Variants in ZNF665 observed in about 807,000 individuals in gnomAD.
ZNF665 encodes zinc finger protein 665.
A neutral mutation model predicts 7.9 loss-of-function variants in ZNF665; 6 were observed. That is an observed-to-expected ratio of 0.76 (90% CI 0.42 to 1.50). The LOEUF is 1.50. Among genes scored for constraint, ZNF665 ranks in the 40% most tolerant of loss-of-function variants. The pLI, the probability that ZNF665 is intolerant of heterozygous loss-of-function variation, is 0.01. For missense variants in ZNF665, 819 were observed against 806.7 expected (o/e 1.02, Z -0.18); for synonymous variants, 242 against 274.5 (o/e 0.88, Z 1.17).
chr19:53,171,174 C>T (rs8106401), intron 3 of ZNF665, among the ~76,000 whole-genome samples: 2,986 of 151,872 alleles, frequency 0.02, 112 homozygotes, highest in African/African-American at 0.068. Context: ...TTAGTAGAGA[C>T]GGGGTTTCAC....
In ZNF665 at chr19:53,193,326, C is replaced by G. The variant is rs975202126; in HGVS notation, c.-60G>C. On this transcript the variant is annotated 5_prime_UTR_variant, in exon 1 of 4. Transcript: ENST00000396424. The stretch of plus-strand genomic sequence containing the variant: ...GGGAAACTCACGCGGCGACTAACAG[C>G]CTTCACTCCAAGAGATCTGCTTCCG... 2 of 152,134 alleles carry G rather than the reference C, an allele frequency of 1.3e-5. No individual in the cohort carries two copies. The highest frequency in any genetic ancestry group is 2.9e-5 in the Non-Finnish European group (2 of 68,106). The allele number at this position is 152,134 out of a possible 1,614,324, so 9.4% of individuals were successfully genotyped here. A position where few individuals can be genotyped will look rare whatever the true frequency, so the allele number is the denominator to read the frequency against.
At chr19:53,187,063 A>C (rs1484786926) in intron 1 of ZNF665, among the ~76,000 whole-genome samples, 2 of 13,028 alleles carry the variant, frequency 1.5e-4, no homozygotes, top group Admixed American at 5.1e-4. Context: ...TGATCCCCCC[A>C]CCTCCCTCCC....
Position 53,165,888 on chromosome 19 carries a change from G to T in ZNF665, c.602C>A (p.Thr201Asn), listed in dbSNP as rs774874113. Reference protein sequence around the residue: ...SRLTSHKRIHTGEKPYQCNKC... With the variant: ...SRLTSHKRIHNGEKPYQCNKC... ...ATTACACTGGTAAGGCTTCTCTCCAGTATGAATTCTCTTATGACTTGTTAG... is the reference window on the plus strand; with the variant it reads ...ATTACACTGGTAAGGCTTCTCTCCATTATGAATTCTCTTATGACTTGTTAG... The change falls in exon 4 of 4, where the codon ACT (threonine) becomes AAT (asparagine). Residue 201 changes from threonine to asparagine, a missense_variant. Coordinates refer to ENST00000396424, the MANE Select transcript of ZNF665 (RefSeq NM_024733.5). 1.1e-5 allele frequency: 18 copies of T among 1,614,182 alleles called. No homozygotes were observed. Among genetic ancestry groups the T allele is most frequent in the Non-Finnish European group, 1.4e-5 (17 of 1,180,038 alleles).
chr19:53,171,030 G>A (rs1179751609), intron 3 of ZNF665, among the ~76,000 whole-genome samples: 1 of 152,080 alleles, frequency 6.6e-6, no homozygotes, highest in African/African-American at 2.4e-5. Context: ...CTGTCACCAG[G>A]CTGGAGTGCA....
chr19:53,185,844 G>T (rs1220318373), intron 1 of ZNF665, among the ~76,000 whole-genome samples: 1 of 151,954 alleles, frequency 6.6e-6, no homozygotes, highest in African/African-American at 2.4e-5. Context: ...GGAACACAAA[G>T]AAGTTTTTGT....
chr19:53,166,359 A>C lies in ZNF665; in HGVS notation c.143-12T>G. 2 of 1,532,904 alleles carry C rather than the reference A, an allele frequency of 1.3e-6. No homozygotes were observed. The highest frequency in any genetic ancestry group is 2.6e-5 in the South Asian group (2 of 76,516). 95.0% of individuals were successfully genotyped at this position (1,532,904 alleles called of 1,614,324 possible). ...TTTACAAGAGATATCTGTAAGATATAAACAACCATAGATTTCCAGTTAACT... is the reference window on the plus strand; with the variant it reads ...TTTACAAGAGATATCTGTAAGATATCAACAACCATAGATTTCCAGTTAACT... On this transcript the variant is annotated splice_polypyrimidine_tract_variant and intron_variant, in intron 3 of 3. Transcript: ENST00000396424.
intron 1 of ZNF665, among the ~76,000 whole-genome samples, chr19:53,189,579 C>A (rs12232823): frequency 0.2 from 28,756 of 145,670 alleles, 3,245 homozygotes; most frequent in Admixed American, 0.25. Flanking sequence ...TAGTACTTTC[C>A]CTAATTTACT....
At position 53,166,027 on chromosome 19, in the gene ZNF665, A is replaced by G; in HGVS notation, c.463T>C (p.Phe155Leu). The change falls in exon 4 of 4, where the codon TTT becomes CTT. Residue 155 changes from phenylalanine (F) to leucine (L), a missense_variant. Transcript: ENST00000396424. Reference protein sequence around the residue: ...FQSHLPELQQFQHEGKIYEYN... With the variant: ...FQSHLPELQQLQHEGKIYEYN... ...TCATAAATTTTCCCTTCATGTTGAA[A>G]TTGCTGCAGTTCAGGGAGATGTGAC... is the stretch of plus-strand genomic sequence containing the variant. The G allele has an allele frequency of 6.2e-7, 1 of 1,614,026 alleles. No homozygotes were observed. The highest frequency in any genetic ancestry group is 8.5e-7 in the Non-Finnish European group (1 of 1,179,886).
chr19:53,168,108 C>A (rs2090632060), intron 3 of ZNF665, among the ~76,000 whole-genome samples: 1 of 139,732 alleles, frequency 7.2e-6, no homozygotes, highest in Middle Eastern at 3.8e-3. Flanking sequence ...AAGAGGAGTT[C>A]TACTTCAGAA....
chr19:53,175,368 C>T, intron 3 of ZNF665, 77 bp downstream of exon 3: 1 of 1,543,296 alleles, frequency 6.5e-7, no homozygotes, highest in South Asian at 1.2e-5. Flanking sequence ...AATGCAGGGG[C>T]TCTCAAGAGA....
intron 2 of ZNF665, 64 bp downstream of exon 2, chr19:53,182,820 A>T (rs1019607331): frequency 6.2e-7 from 1 of 1,611,490 alleles, no homozygotes; most frequent in African/African-American, 1.3e-5. Flanking sequence ...AAGATTCCCA[A>T]CTCCAAGGTC....
intron 2 of ZNF665, among the ~76,000 whole-genome samples, chr19:53,179,042 T>C (rs2090717785): frequency 6.6e-6 from 1 of 152,108 alleles, no homozygotes; most frequent in Admixed American, 6.6e-5. Context: ...TCACTGGAAA[T>C]TTGGGTAGAA....
At position 53,164,473 on chromosome 19, in the gene ZNF665, G is replaced by C. The variant is rs202219454; in HGVS notation, c.2017C>G (p.Arg673Gly). The C allele has an allele frequency of 6.3e-7, 1 of 1,596,782 alleles. No homozygotes were observed. Among genetic ancestry groups the C allele is most frequent in the South Asian group, 1.1e-5 (1 of 87,968 alleles). The change falls in exon 4 of 4, where the codon CGA becomes GGA. Residue 673 changes from arginine to glycine, a missense_variant. By Grantham distance (125) the Arg-to-Gly change is moderately radical (BLOSUM62 -2). Coordinates refer to ENST00000396424, the MANE Select transcript of ZNF665 (RefSeq NM_024733.5). ...GGTTTCTATCCACTATGAATTCTTC[G>C]ATGTTTTGCAAGGTTTGAATTTTGA... ...FTQNSNLAKHRRIHSG is the reference protein window; with the variant it reads ...FTQNSNLAKHGRIHSG
At chr19:53,182,697 A>G (rs1599882927) in intron 2 of ZNF665, 187 bp downstream of exon 2, 1 of 1,167,738 alleles carries the variant, frequency 8.6e-7, no homozygotes, top group East Asian at 2.4e-5. Flanking sequence ...GCCTCTTCCC[A>G]AGTTCATGTC....
chr19:53,184,416 C>T (rs924711417), intron 1 of ZNF665, among the ~76,000 whole-genome samples: 1 of 152,120 alleles, frequency 6.6e-6, no homozygotes, highest in African/African-American at 2.4e-5. Context: ...CCCATCCACC[C>T]TGGGTCTGCT....
In ZNF665 at chr19:53,165,118, A is replaced by T; in HGVS notation, c.1372T>A (p.Tyr458Asn). The T allele has an allele frequency of 6.2e-7, 1 of 1,614,020 alleles. No homozygotes were observed. Among genetic ancestry groups the T allele is most frequent in the Non-Finnish European group, 8.5e-7 (1 of 1,180,020 alleles). ...HQAIHTGEKP[Y>N]KCNDCGKVFT... is the part of the protein sequence containing the mutation. Reference sequence around the variant, plus strand: ...ACCTTACCGCAGTCATTACATTTGTAAGGCTTTTCTCCAGTATGAATTGCC... The same window carrying T: ...ACCTTACCGCAGTCATTACATTTGTTAGGCTTTTCTCCAGTATGAATTGCC... The change falls in exon 4 of 4, where the codon TAC becomes AAC. Residue 458 changes from tyrosine (Y) to asparagine (N), a missense_variant. Transcript: ENST00000396424.
intron 2 of ZNF665, 58 bp from the exon 3 acceptor site, chr19:53,175,629 A>G (rs2090692172): frequency 6.4e-7 from 1 of 1,550,904 alleles, no homozygotes; most frequent in South Asian, 1.2e-5. Flanking sequence ...ATCTTCACAT[A>G]AAACAAGAAG....
chr19:53,169,533 T>TTTA, intron 3 of ZNF665, among the ~76,000 whole-genome samples: 1 of 152,272 alleles, frequency 6.6e-6, no homozygotes, highest in Admixed American at 6.5e-5. Flanking sequence ...TATTTCTTTT[T>TTTA]TTATTATTAT....
Position 53,162,530 on chromosome 19 carries a change from C to T in ZNF665, c.*1923G>A, listed in dbSNP as rs1301725059. ...AGTTAATGTAAATCCTAGTAACAAA[C>T]ATGGGATTCTGGTTACTTTGATTAA... On this transcript the variant is annotated 3_prime_UTR_variant, in exon 4 of 4. Transcript: ENST00000396424. The T allele has an allele frequency of 6.6e-6, 1 of 152,102 alleles. No individual in the cohort carries two copies. The highest frequency in any genetic ancestry group is 1.9e-4 in the East Asian group (1 of 5,182). The allele number at this position is 152,102 out of a possible 1,614,324, so 9.4% of individuals were successfully genotyped here.
Sources: allele counts gnomAD v4.1 joint callset (sites outside exome capture counted in the v4.1 genomes callset), GRCh38; gene constraint gnomAD v4.1.1; transcripts MANE v1.5; gene names NCBI Gene and HGNC (gene_info 2026-07-23, HGNC 2026-07-21).